Variants in RAB3GAP2 observed in about 807,000 individuals in gnomAD.
The protein encoded by RAB3GAP2 is rab3 GTPase-activating protein non-catalytic subunit.
In RAB3GAP2, 87 loss-of-function variants were observed where a neutral mutation model predicts 185.3. That is an observed-to-expected ratio of 0.47 (90% CI 0.39 to 0.56). The LOEUF (loss-of-function observed/expected upper bound fraction) is 0.56, where lower values mean the gene tolerates loss of function less well. Ranked by LOEUF, RAB3GAP2 falls within the 20% of genes least tolerant of loss-of-function variation. The pLI, the probability that RAB3GAP2 is intolerant of heterozygous loss-of-function variation, is 0.00. For synonymous variants in RAB3GAP2, 554 were observed against 576.1 expected (o/e 0.96, Z 0.55); for missense variants, 1,492 against 1,638.2 (o/e 0.91, Z 1.54).
At chr1:220,215,524 T>C (rs939672346) in intron 2 of RAB3GAP2, among the ~76,000 whole-genome samples, 2 of 152,150 alleles carry the variant, frequency 1.3e-5, no homozygotes, top group Admixed American at 6.6e-5. Flanking sequence ...AAGGAACAAA[T>C]TGCATAATTT....
At position 220,189,729 on chromosome 1, in the gene RAB3GAP2, T is replaced by C; in HGVS notation, c.1753A>G (p.Ile585Val). The C allele has an allele frequency of 6.5e-7, 1 of 1,548,970 alleles. No individual in the cohort carries two copies. The highest frequency in any genetic ancestry group is 8.8e-7 in the Non-Finnish European group (1 of 1,132,346). ...TGTTTTTTGGTTGCAGGGTATTTAA[T>C]ATCAAGAATTAATTCCTTTATTTCT... ...ETEIKELILD[I>V]KYPATKKQAL... Residue 585 changes from isoleucine (I) to valine (V), a missense_variant, in exon 17 of 35, where the codon ATT (isoleucine) becomes GTT (valine). This residue lies in a region of RAB3GAP2 where 681 missense variants were observed against 689.1 expected (regional missense o/e 0.99). Transcript: ENST00000358951.
intron 2 of RAB3GAP2, among the ~76,000 whole-genome samples, chr1:220,225,923 C>T (rs1289713884): frequency 6.6e-6 from 1 of 152,186 alleles, no homozygotes; most frequent in African/African-American, 2.4e-5. Context: ...TAGGAATCTC[C>T]AATCAGGTCG....
intron 28 of RAB3GAP2, 63 bp downstream of exon 28, chr1:220,162,131 ATCTT>A (rs1657973276): frequency 1.6e-6 from 2 of 1,225,850 alleles, no homozygotes; most frequent in Non-Finnish European, 1.2e-6. Context: ...AATGTGAACA[ATCTT>A]TCTAATATTA....
intron 4 of RAB3GAP2, among the ~76,000 whole-genome samples, chr1:220,212,010 T>C (rs955523050): frequency 1.3e-5 from 2 of 152,252 alleles, no homozygotes; most frequent in Non-Finnish European, 2.9e-5. Context: ...TTCTTACTCA[T>C]TCTGATCAGA....
chr1:220,208,960 G>A (rs1015012122), intron 7 of RAB3GAP2, among the ~76,000 whole-genome samples: 4 of 152,048 alleles, frequency 2.6e-5, no homozygotes, highest in Non-Finnish European at 5.9e-5. Context: ...CAGGCAATCC[G>A]CCCACCTCGG....
chr1:220,190,593 G>C (rs1442948018), intron 14 of RAB3GAP2, 73 bp from the exon 15 acceptor site: 1 of 1,452,288 alleles, frequency 6.9e-7, no homozygotes, highest in Non-Finnish European at 9.6e-7. Flanking sequence ...TTTTATTATA[G>C]CTAGGAAACC....
intron 1 of RAB3GAP2, among the ~76,000 whole-genome samples, chr1:220,265,483 G>A (rs1558176256): frequency 1.3e-5 from 2 of 151,804 alleles, no homozygotes; most frequent in Non-Finnish European, 2.9e-5. Flanking sequence ...CTCTATTCAT[G>A]TATTTATTTA....
intron 1 of RAB3GAP2, chr1:220,271,167 T>C (rs905301875): frequency 2.0e-5 from 3 of 152,212 alleles, no homozygotes; most frequent in African/African-American, 7.2e-5. Context: ...CTTATTTGGT[T>C]TGTAGCACCA....
At chr1:220,201,063 T>C (rs1219163604) in intron 9 of RAB3GAP2, among the ~76,000 whole-genome samples, 1 of 152,158 alleles carries the variant, frequency 6.6e-6, no homozygotes, top group Non-Finnish European at 1.5e-5. Context: ...TTCTCATGTG[T>C]TTCTTCTAAC....
chr1:220,163,765 A>ATG (rs1192811153), intron 27 of RAB3GAP2, among the ~76,000 whole-genome samples: 7 of 143,618 alleles, frequency 4.9e-5, no homozygotes, highest in East Asian at 4.0e-4. Context: ...ATATATATAT[A>ATG]TATATATAGG....
At chr1:220,237,463 T>A (rs1659613785) in intron 1 of RAB3GAP2, among the ~76,000 whole-genome samples, 1 of 152,220 alleles carries the variant, frequency 6.6e-6, no homozygotes, top group South Asian at 2.1e-4. Flanking sequence ...ATTGTCTTCA[T>A]AAAACCAGCG....
chr1:220,219,004 G>C (rs376238897), intron 2 of RAB3GAP2, among the ~76,000 whole-genome samples: 1 of 152,154 alleles, frequency 6.6e-6, no homozygotes, highest in African/African-American at 2.4e-5. Context: ...AAATTATAAA[G>C]AGGTAAAAAT....
intron 16 of RAB3GAP2, 85 bp from the exon 17 acceptor site, chr1:220,189,852 C>T (rs1371142670): frequency 1.6e-6 from 2 of 1,221,140 alleles, no homozygotes; most frequent in Non-Finnish European, 2.3e-6. Context: ...CATATCTGTA[C>T]TATCAGTGAG....
rs915193161 is a variant in RAB3GAP2, at chr1:220,204,472, G to A, written c.712+1435C>T. 9.9e-5 allele frequency among the ~76,000 whole-genome samples: 15 copies of A among 152,080 alleles called. 1 individual carries two copies. In the East Asian group the frequency reaches 1.4e-3, roughly 14 times the overall value. On this transcript the variant is annotated intron_variant, in intron 8 of 34. Coordinates refer to ENST00000358951, the MANE Select transcript of RAB3GAP2 (RefSeq NM_012414.4). ...AGAAATAGACAATTATTTTATATTC[G>A]GTATTATCAGCCATTTAATTTTTCA...
In RAB3GAP2 at chr1:220,184,070, A is replaced by G. The variant is rs1658463123; in HGVS notation, c.1964T>C (p.Leu655Pro). The stretch of plus-strand genomic sequence containing the variant: ...GAATGGTGTGTCTAAATGAAAATCA[A>G]GGGAATTTAATTGACTGACAGACTC... ...LYESVSQLNS[L>P]DFHLDTPFSD... Residue 655 changes from leucine (L) to proline (P), a missense_variant, in exon 19 of 35, where the codon CTT (leucine) becomes CCT (proline). By Grantham distance (98) the Leu-to-Pro change is moderately conservative. This residue lies in a region of RAB3GAP2 where 681 missense variants were observed against 689.1 expected (regional missense o/e 0.99). Transcript: ENST00000358951. The G allele has an allele frequency of 6.3e-7, 1 of 1,593,952 alleles. No individual in the cohort carries two copies. Among genetic ancestry groups the G allele is most frequent in the African/African-American group, 1.3e-5 (1 of 74,466 alleles).
intron 2 of RAB3GAP2, among the ~76,000 whole-genome samples, chr1:220,223,422 T>C (rs1219117520): frequency 6.6e-6 from 1 of 151,858 alleles, no homozygotes; most frequent in African/African-American, 2.4e-5. Context: ...AGAAAAAAAA[T>C]AAGATAATGG....
At chr1:220,160,018 C>T (rs988841593) in intron 28 of RAB3GAP2, among the ~76,000 whole-genome samples, 3 of 151,150 alleles carry the variant, frequency 2.0e-5, no homozygotes, top group Admixed American at 2.0e-4. Flanking sequence ...CTCCATCCCA[C>T]TCCTACCAAA....
Position 220,183,995 on chromosome 1 carries a change from AAG to A in RAB3GAP2, c.1998+39_1998+40del, listed in dbSNP as rs1256786329. The A allele has an allele frequency of 2.9e-6, 4 of 1,388,562 alleles. No homozygotes were observed. In the Admixed American group the frequency reaches 7.2e-5, roughly 25 times the overall value. The allele number at this position is 1,388,562 out of a possible 1,614,324, so 86.0% of individuals were successfully genotyped here. ...TAATTTTAAAAAGTAAAACTAATCA[AAG>A]AGATTATTTTATATAATATAAAATG... is the stretch of plus-strand genomic sequence containing the variant. On this transcript the variant is annotated intron_variant, in intron 19 of 34. Coordinates refer to ENST00000358951, the MANE Select transcript of RAB3GAP2 (RefSeq NM_012414.4).
intron 1 of RAB3GAP2, among the ~76,000 whole-genome samples, chr1:220,268,579 T>C (rs1242397954): frequency 1.3e-5 from 2 of 152,298 alleles, no homozygotes; most frequent in East Asian, 3.9e-4. Flanking sequence ...AGCTAAAAAA[T>C]TGGAAGCCAA....
Sources: allele counts gnomAD v4.1 joint callset (sites outside exome capture counted in the v4.1 genomes callset), GRCh38; gene constraint gnomAD v4.1.1; regional missense constraint gnomAD v4.1.1; transcripts MANE v1.5; gene names NCBI Gene and HGNC (gene_info 2026-07-23, HGNC 2026-07-21).